JAK2: variants seen among roughly 807,000 people sequenced by gnomAD.
The protein encoded by JAK2 is tyrosine-protein kinase JAK2.
Under a neutral mutation model 139.3 loss-of-function variants are expected in JAK2, and 86 were observed. The observed-to-expected ratio is 0.62, with a 90% confidence interval of 0.52 to 0.74. JAK2 has a LOEUF of 0.74. Among genes scored for constraint, JAK2 ranks in the 30% least tolerant of loss-of-function variants. The pLI, the probability that JAK2 is intolerant of heterozygous loss-of-function variation, is 0.00. For missense variants in JAK2, 1,421 were observed against 1,360.3 expected (o/e 1.04, Z -0.70); for synonymous variants, 490 against 437.7 (o/e 1.12, Z -1.49).
In JAK2 at chr9:5,024,887, G is replaced by C. The variant is rs556797951; in HGVS notation, c.226+2674G>C. Among the ~76,000 whole-genome samples the C allele has an allele frequency of 7.1e-4, 108 of 152,332 alleles. 2 individuals are homozygous for C. Among genetic ancestry groups the C allele is most frequent in the Non-Finnish European group, 1.3e-3 (87 of 68,030 alleles). ...TAAGGTTGGCTCTGTTCACTCCAGAGCCAGGGACCAGAGTTTCACACTGGG... is the reference window on the plus strand; with the variant it reads ...TAAGGTTGGCTCTGTTCACTCCAGACCCAGGGACCAGAGTTTCACACTGGG... On this transcript the variant is annotated intron_variant, in intron 3 of 24. Coordinates refer to ENST00000381652, the MANE Select transcript of JAK2 (RefSeq NM_004972.4).
At position 5,127,922 on chromosome 9, in the gene JAK2, C is replaced by CAAGA. The variant is rs1356787541; in HGVS notation, c.*1133_*1136dup. The CAAGA allele has an allele frequency of 4.3e-6, 1 of 232,076 alleles. No individual in the cohort carries two copies. Among genetic ancestry groups the CAAGA allele is most frequent in the Non-Finnish European group, 8.5e-6 (1 of 117,374 alleles). 14.4% of individuals were successfully genotyped at this position (232,076 alleles called of 1,614,324 possible). On this transcript the variant is annotated 3_prime_UTR_variant, in exon 25 of 25. Transcript: ENST00000381652. ...AAAAAGTATGCTTGTTAATTTTATT[C>CAAGA]AAGAATGCCAGTAGAAAATTCATAA...
At chr9:5,032,805 G>A (rs893678330) in intron 4 of JAK2, among the ~76,000 whole-genome samples, 3 of 152,194 alleles carry the variant, frequency 2.0e-5, no homozygotes, top group Non-Finnish European at 4.4e-5. Context: ...AAAAAACAGA[G>A]CAGAAAAACT....
intron 4 of JAK2, among the ~76,000 whole-genome samples, chr9:5,043,196 G>C (rs1163362406): frequency 6.6e-6 from 1 of 152,238 alleles, no homozygotes; most frequent in African/African-American, 2.4e-5. Context: ...CAGCGGGTCA[G>C]CTTGAGGCAG....
At chr9:5,056,469 T>A (rs1817773922) in intron 8 of JAK2, among the ~76,000 whole-genome samples, 1 of 152,098 alleles carries the variant, frequency 6.6e-6, no homozygotes, top group Non-Finnish European at 1.5e-5. Context: ...TTATATGGCT[T>A]ACCTGTCTGG....
rs946266987 is a variant in JAK2, at chr9:5,029,698, T to A, written c.227-85T>A. 3.2e-6 allele frequency: 4 copies of A among 1,264,648 alleles called. No homozygotes were observed. In the African/African-American group the frequency reaches 6.1e-5, roughly 19 times the overall value. 78.3% of individuals were successfully genotyped at this position (1,264,648 alleles called of 1,614,324 possible). A position where few individuals can be genotyped will look rare whatever the true frequency, so the allele number is the denominator to read the frequency against. ...TTGTTCCGATTTTAAGAGTTGTTACTTTAGCTTCATTTCAAATTATAGGTG... is the reference window on the plus strand; with the variant it reads ...TTGTTCCGATTTTAAGAGTTGTTACATTAGCTTCATTTCAAATTATAGGTG... On this transcript the variant is annotated intron_variant, in intron 3 of 24. Transcript: ENST00000381652.
chr9:5,057,132 G>A (rs578248696), intron 8 of JAK2, among the ~76,000 whole-genome samples: 1 of 152,060 alleles, frequency 6.6e-6, no homozygotes, highest in East Asian at 1.9e-4. Flanking sequence ...ATGTTTTTCA[G>A]TAATTCTTGA....
intron 2 of JAK2, among the ~76,000 whole-genome samples, chr9:5,020,363 G>T (rs1303596339): frequency 6.6e-6 from 1 of 152,166 alleles, no homozygotes. Context: ...GGATACGTGG[G>T]AGTGGGGTGC....
rs532391602 is a variant in JAK2, at chr9:5,070,384, A to G, written c.1641+332A>G. On this transcript the variant is annotated intron_variant, in intron 12 of 24. Transcript: ENST00000381652. ...GTAAGGGAAATTCAAGGGGTTAAAA[A>G]TAAAGAAGAAACTGAGAAAAAAATC... is the stretch of plus-strand genomic sequence containing the variant. Among the ~76,000 whole-genome samples the G allele has an allele frequency of 9.9e-5, 15 of 152,180 alleles. No homozygotes were observed. In the South Asian group the frequency reaches 2.7e-3, roughly 27 times the overall value.
At chr9:5,101,187 G>A (rs1044774305) in intron 22 of JAK2, among the ~76,000 whole-genome samples, 23 of 152,212 alleles carry the variant, frequency 1.5e-4, no homozygotes, top group African/African-American at 5.3e-4. Flanking sequence ...CAAATACTGT[G>A]CTTTTCCAAC....
chr9:5,090,811 G>C lies in JAK2; in HGVS notation c.2959G>C (p.Glu987Gln), dbSNP rs550229414. The C allele has an allele frequency of 3.1e-6, 5 of 1,613,386 alleles. No homozygotes were observed. Among genetic ancestry groups the C allele is most frequent in the Non-Finnish European group, 4.2e-6 (5 of 1,179,614 alleles). Residue 987 changes from glutamate (E) to glutamine (Q), a missense_variant, in exon 22 of 25, where the codon GAG becomes CAG. Physicochemically the swap from Glu to Gln is conservative, Grantham distance 29. Transcript: ENST00000381652. ...LATRNILVEN[E>Q]NRVKIGDFGL... is the part of the protein sequence containing the mutation. ...AACGAGAAATATATTGGTGGAGAACGAGAACAGAGTTAAAATTGGAGATTT... is the reference window on the plus strand; with the variant it reads ...AACGAGAAATATATTGGTGGAGAACCAGAACAGAGTTAAAATTGGAGATTT...
intron 22 of JAK2, chr9:5,110,261 A>T (rs796429952): frequency 5.3e-5 from 8 of 152,286 alleles, no homozygotes; most frequent in African/African-American, 1.9e-4. Flanking sequence ...TCTACCCTTT[A>T]ATAGAAAATA....
intron 22 of JAK2, chr9:5,112,682 A>G: frequency 1.1e-6 from 1 of 933,302 alleles, no homozygotes; most frequent in East Asian, 3.0e-5. Flanking sequence ...CGTCTCGGTC[A>G]TCCTGAATTT....
chr9:5,052,693 C>A (rs980003187), intron 6 of JAK2, among the ~76,000 whole-genome samples: 2 of 151,970 alleles, frequency 1.3e-5, no homozygotes, highest in African/African-American at 4.8e-5. Context: ...TTTTTGTTTG[C>A]GTGGATTTTC....
intron 2 of JAK2, among the ~76,000 whole-genome samples, chr9:4,997,324 CT>C (rs1820633210): frequency 6.6e-6 from 1 of 152,176 alleles, no homozygotes; most frequent in African/African-American, 2.4e-5. Context: ...GTTCTGCAGG[CT>C]TACAAGCATG....
At chr9:5,122,277 C>T (rs945443036) in intron 22 of JAK2, among the ~76,000 whole-genome samples, 14 of 152,130 alleles carry the variant, frequency 9.2e-5, no homozygotes, top group Admixed American at 7.2e-4. Flanking sequence ...TAGGCCAAAA[C>T]GTTCCCTTGG....
chr9:5,053,991 A>T (rs2130401988), intron 6 of JAK2, among the ~76,000 whole-genome samples: 1 of 152,240 alleles, frequency 6.6e-6, no homozygotes, highest in South Asian at 2.1e-4. Flanking sequence ...AATATTGTAC[A>T]TAGAGATGAA....
intron 22 of JAK2, among the ~76,000 whole-genome samples, chr9:5,113,037 G>T (rs1476984728): frequency 1.3e-5 from 2 of 152,014 alleles, no homozygotes; most frequent in African/African-American, 4.8e-5. Context: ...GGGTGAGGAA[G>T]GTGACGCTGG....
At chr9:5,015,864 C>G (rs1308326378) in intron 2 of JAK2, among the ~76,000 whole-genome samples, 2 of 152,104 alleles carry the variant, frequency 1.3e-5, no homozygotes, top group South Asian at 4.1e-4. Flanking sequence ...CCTTTCTGTT[C>G]TAAACACGAT....
In JAK2 at chr9:5,092,315, T is replaced by C. The variant is rs575453451; in HGVS notation, c.3059+1404T>C. On this transcript the variant is annotated intron_variant, in intron 22 of 24. Coordinates refer to ENST00000381652, the MANE Select transcript of JAK2 (RefSeq NM_004972.4). ...CACTGCCTGTCACCCTCCGCAAATATCATTCTAGAAATATTATTTAAATTC... is the reference window on the plus strand; with the variant it reads ...CACTGCCTGTCACCCTCCGCAAATACCATTCTAGAAATATTATTTAAATTC... Among the ~76,000 whole-genome samples, 5 of 152,162 alleles carry C rather than the reference T, an allele frequency of 3.3e-5. No individual in the cohort carries two copies. In the South Asian group the frequency reaches 1.0e-3, roughly 32 times the overall value.
Sources: allele counts gnomAD v4.1 joint callset (sites outside exome capture counted in the v4.1 genomes callset), GRCh38; gene constraint gnomAD v4.1.1; transcripts MANE v1.5; gene names NCBI Gene and HGNC (gene_info 2026-07-23, HGNC 2026-07-21).